Variants in MPI observed in about 807,000 individuals in gnomAD.
The protein encoded by MPI is mannose phosphate isomerase.
In MPI, 33 loss-of-function variants were observed where a neutral mutation model predicts 40.1. The observed-to-expected ratio is 0.82, with a 90% CI of 0.62 to 1.10. The LOEUF is 1.10. MPI is among the 50% of genes least tolerant of loss of function. The probability of loss-of-function intolerance (pLI) is 0.00; values close to 1 mark genes in which losing one functional copy is unlikely to be tolerated. For synonymous variants in MPI, 187 were observed against 207.4 expected, an observed-to-expected ratio of 0.90 and a Z score of 0.85; for missense variants, 514 against 524.1, an observed-to-expected ratio of 0.98 and a Z score of 0.19.
intron 5 of MPI, chr15:74,895,572 GACA>G: frequency 6.5e-6 from 1 of 154,546 alleles, no homozygotes; most frequent in Admixed American, 6.4e-5. Flanking sequence ...CAGCCTGGGT[GACA>G]GCGAGACCCC....
intron 7 of MPI, 119 bp from the exon 8 acceptor site, chr15:74,897,393 G>A (rs2064836650): frequency 1.5e-6 from 2 of 1,311,046 alleles, no homozygotes; most frequent in Admixed American, 1.9e-5. Context: ...TGCTGACTGA[G>A]CCTGGGTTGT....
At position 74,898,732 on chromosome 15, in the gene MPI, G is replaced by C. The variant is rs1039133772; in HGVS notation, c.*1002G>C. 5 of 152,140 alleles carry C rather than the reference G, an allele frequency of 3.3e-5. No individual in the cohort carries two copies. Among genetic ancestry groups the C allele is most frequent in the Non-Finnish European group, 7.3e-5 (5 of 68,072 alleles). The allele number at this position is 152,140 out of a possible 1,614,324, so 9.4% of individuals were successfully genotyped here. On this transcript the variant is annotated 3_prime_UTR_variant, in exon 8 of 8. Transcript: ENST00000352410. The stretch of plus-strand genomic sequence containing the variant: ...TTTTTGGTATTTTTAGTAGAGATGG[G>C]GTTTCACTGTGTTAGCCAGGATGGT...
chr15:74,894,649 T>C (rs566022910), intron 5 of MPI, among the ~76,000 whole-genome samples: 9 of 144,650 alleles, frequency 6.2e-5, no homozygotes, highest in Admixed American at 1.4e-4. Context: ...ATGCTGGGCA[T>C]GGTGGTGTGT....
rs936310858 is a variant in MPI at position 74,897,637 on chromosome 15, T to C, written c.1179T>C (p.Gly393=). The change falls in exon 8 of 8, where the codon GGT becomes GGC. Residue 393 remains glycine (G), a synonymous_variant. Transcript: ENST00000352410. ...TTQTPIPLQR[G]GVLFIGANES... is the part of the protein sequence containing the mutation. ...AGACACCAATCCCTCTGCAACGTGG[T>C]GGCGTGCTCTTCATTGGGGCCAATG... 2 of 1,614,040 alleles carry C rather than the reference T, an allele frequency of 1.2e-6. No homozygotes were observed. Among genetic ancestry groups the C allele is most frequent in the African/African-American group, 1.3e-5 (1 of 74,900 alleles).
chr15:74,893,650 G>C, intron 5 of MPI: 1 of 589,746 alleles, frequency 1.7e-6, no homozygotes, highest in South Asian at 2.1e-5. Flanking sequence ...TTGTATCTCG[G>C]GGCTAAAGAG....
In MPI at chr15:74,890,552, G is replaced by T. The variant is rs1382095161; in HGVS notation, c.42G>T (p.Gln14His). Reference sequence around the variant, plus strand: ...TATTCCCACTTTCCTGTGCGGTGCAGCAGTATGCCTGGGGGAAGATGGGTT... The same window carrying T: ...TATTCCCACTTTCCTGTGCGGTGCATCAGTATGCCTGGGGGAAGATGGGTT... The part of the protein sequence containing the change: ...PRVFPLSCAV[Q>H]QYAWGKMGSN... Residue 14 changes from glutamine (Q) to histidine (H), a missense_variant, in exon 2 of 8, where the codon CAG (glutamine) becomes CAT (histidine). By Grantham distance (24) the Gln-to-His change is conservative. Transcript: ENST00000352410. 6.2e-7 allele frequency: 1 copy of T among 1,614,216 alleles called. No homozygotes were observed. Among genetic ancestry groups the T allele is most frequent in the South Asian group, 1.1e-5 (1 of 91,088 alleles).
rs766568229 is a variant in MPI at position 74,897,190 on chromosome 15, G to T, written c.1024G>T (p.Val342Leu). The T allele has an allele frequency of 2.5e-6, 4 of 1,614,174 alleles. No homozygotes were observed. The highest frequency in any genetic ancestry group is 3.4e-6 in the Non-Finnish European group (4 of 1,180,016). Residue 342 changes from valine (V) to leucine (L), a missense_variant, in exon 7 of 8, where the codon GTA (valine) becomes TTA (leucine). Transcript: ENST00000352410. ...DPYLSIYDPPVPDFTIMKTEV... is the reference protein window; with the variant it reads ...DPYLSIYDPPLPDFTIMKTEV... Reference sequence around the variant, plus strand: ...CTACCTCTCAATCTATGACCCCCCTGTACCAGACTTCACCATTATGAAGAC... The same window carrying T: ...CTACCTCTCAATCTATGACCCCCCTTTACCAGACTTCACCATTATGAAGAC...
rs1595824816 is a variant in MPI at position 74,897,624 on chromosome 15, C to T, written c.1166C>T (p.Pro389Leu). 2 of 1,614,222 alleles carry T rather than the reference C, an allele frequency of 1.2e-6. No homozygotes were observed. The change falls in exon 8 of 8, where the codon CCT becomes CTT. Residue 389 changes from proline to leucine, a missense_variant. Pro to Leu is a moderately conservative substitution (Grantham distance 98). Coordinates refer to ENST00000352410, the MANE Select transcript of MPI (RefSeq NM_002435.3). Reference protein sequence around the residue: ...ASTPTTQTPIPLQRGGVLFIG... With the variant: ...ASTPTTQTPILLQRGGVLFIG... Reference sequence around the variant, plus strand: ...ACACCCACAACCCAGACACCAATCCCTCTGCAACGTGGTGGCGTGCTCTTC... The same window carrying T: ...ACACCCACAACCCAGACACCAATCCTTCTGCAACGTGGTGGCGTGCTCTTC...
In MPI at chr15:74,901,952, G is replaced by A. The variant is rs778319352; in HGVS notation, c.*4222G>A. The A allele has an allele frequency of 1.3e-5, 5 of 396,358 alleles. No individual in the cohort carries two copies. Among genetic ancestry groups the A allele is most frequent in the Admixed American group, 4.4e-5 (1 of 22,646 alleles). 24.6% of individuals were successfully genotyped at this position (396,358 alleles called of 1,614,324 possible). ...CAAACCAGAATCACTAAACTCACCCGGACGGTTGGACCAGTTGGGGATGCC... is the reference window on the plus strand; with the variant it reads ...CAAACCAGAATCACTAAACTCACCCAGACGGTTGGACCAGTTGGGGATGCC... On this transcript the variant is annotated 3_prime_UTR_variant, in exon 8 of 8. Transcript: ENST00000352410.
chr15:74,896,032 C>T, intron 5 of MPI, 120 bp from the exon 6 acceptor site: 1 of 1,213,018 alleles, frequency 8.2e-7, no homozygotes, highest in Non-Finnish European at 1.2e-6. Flanking sequence ...AGGACAGGGC[C>T]ACTTTGGCTT....
intron 3 of MPI, among the ~76,000 whole-genome samples, chr15:74,892,081 T>G (rs1347767114): frequency 6.6e-6 from 1 of 151,416 alleles, no homozygotes; most frequent in Non-Finnish European, 1.5e-5. Context: ...TGCAACCTCC[T>G]CCTCCCAATT....
In MPI at chr15:74,897,131, G is replaced by C; in HGVS notation, c.965G>C (p.Arg322Thr). The C allele has an allele frequency of 6.2e-7, 1 of 1,614,182 alleles. No homozygotes were observed. The highest frequency in any genetic ancestry group is 1.1e-5 in the South Asian group (1 of 91,084). ...LSYTPSSSKD[R>T]LFLPTRSQED... The stretch of plus-strand genomic sequence containing the variant: ...TATACCCCTAGCTCCAGCAAGGACA[G>C]GCTCTTTCTCCCAACACGGAGTCAG... The change falls in exon 7 of 8, where the codon AGG becomes ACG. Residue 322 changes from arginine (R) to threonine (T), a missense_variant. Transcript: ENST00000352410.
rs756216131 is a variant in MPI at position 74,891,417 on chromosome 15, C to A, written c.183C>A (p.Ile61=). The A allele has an allele frequency of 7.4e-6, 12 of 1,614,062 alleles. No homozygotes were observed. Among genetic ancestry groups the A allele is most frequent in the Admixed American group, 3.3e-5 (2 of 59,996 alleles). The part of the protein sequence containing the change: ...MGTHPRGDAK[I]LDNRISQKTL... ...CTCACCCCCGAGGGGATGCCAAGAT[C>A]CTTGACAACCGCATCTCACAGAAGA... The change falls in exon 3 of 8, where the codon ATC becomes ATA. Residue 61 remains isoleucine, a synonymous_variant. Transcript: ENST00000352410.
intron 3 of MPI, 106 bp from the exon 4 acceptor site, chr15:74,892,555 T>G (rs1316689324): frequency 8.0e-6 from 12 of 1,508,770 alleles, no homozygotes; most frequent in Non-Finnish European, 1.1e-5. Context: ...GTCACTGCCA[T>G]CCTGCAACTG....
At chr15:74,890,123 T>C in intron 1 of MPI, 34 bp downstream of exon 1, 1 of 1,607,052 alleles carries the variant, frequency 6.2e-7, no homozygotes, top group South Asian at 1.1e-5. Flanking sequence ...GCGAGTGTGT[T>C]CGTGGAGCGC....
chr15:74,898,237 G>C lies in MPI; in HGVS notation c.*507G>C, dbSNP rs2064853177. ...AGATCACTTGTGTTGAGGCTGTGGG[G>C]TAATGAGCACTCAGCCTTTGGGGTA... On this transcript the variant is annotated 3_prime_UTR_variant, in exon 8 of 8. Transcript: ENST00000352410. The C allele has an allele frequency of 4.1e-6, 1 of 241,750 alleles. No individual in the cohort carries two copies. The highest frequency in any genetic ancestry group is 8.3e-6 in the Non-Finnish European group (1 of 120,542). The allele number at this position is 241,750 out of a possible 1,614,324, so 15.0% of individuals were successfully genotyped here. A position where few individuals can be genotyped will look rare whatever the true frequency, so the allele number is the denominator to read the frequency against.
At chr15:74,892,839 G>C in intron 4 of MPI, 37 bp downstream of exon 4, 1 of 1,614,108 alleles carries the variant, frequency 6.2e-7, no homozygotes, top group Non-Finnish European at 8.5e-7. Flanking sequence ...TGCGTACTGG[G>C]CCAGGGATAC....
Position 74,892,786 on chromosome 15 carries a change from T to C in MPI, c.471T>C (p.Ile157=), listed in dbSNP as rs2064746495. The change falls in exon 4 of 8, where the codon ATT becomes ATC. Residue 157 remains isoleucine (I), a synonymous_variant. Coordinates refer to ENST00000352410, the MANE Select transcript of MPI (RefSeq NM_002435.3). ...GTGGCTTCCGGCCAGTTGAGGAGAT[T>C]GTAACCTTTCTAAAGAGTAAGTTGG... The part of the protein sequence containing the change: ...GLCGFRPVEE[I]VTFLKKVPEF... 6.2e-7 allele frequency: 1 copy of C among 1,614,264 alleles called. No individual in the cohort carries two copies. The highest frequency in any genetic ancestry group is 1.3e-5 in the African/African-American group (1 of 75,070).
Position 74,896,254 on chromosome 15 carries a change from A to T in MPI, c.773A>T (p.Asn258Ile). The T allele has an allele frequency of 1.9e-6, 3 of 1,614,016 alleles. No individual in the cohort carries two copies. Among genetic ancestry groups the T allele is most frequent in the Non-Finnish European group, 2.5e-6 (3 of 1,179,980 alleles). The change falls in exon 6 of 8, where the codon AAC becomes ATC. Residue 258 changes from asparagine (N) to isoleucine (I), a missense_variant. By Grantham distance (149) the Asn-to-Ile change is moderately radical (BLOSUM62 -3). Coordinates refer to ENST00000352410, the MANE Select transcript of MPI (RefSeq NM_002435.3). ...DIGCFAIYFL[N>I]LLTLKPGEAM... ...GGCTGCTTTGCCATCTACTTCCTGA[A>T]CCTGCTTACCCTGAAGCCTGGGGAG...
Sources: gnomAD v4.1 joint callset for allele counts (sites outside exome capture counted in the v4.1 genomes callset) on GRCh38, gnomAD v4.1.1 for gene constraint, MANE v1.5 for transcripts, NCBI Gene and HGNC (gene_info 2026-07-23, HGNC 2026-07-21) for gene names.